The following ZCCHC7 variants were observed in gnomAD, a reference collection of about 807,000 sequenced individuals.
ZCCHC7 encodes zinc finger CCHC domain-containing protein 7.
In ZCCHC7, 35 loss-of-function variants were observed where a neutral mutation model predicts 52.0. The observed-to-expected ratio is 0.67, with a 90% CI of 0.51 to 0.89. ZCCHC7 has a LOEUF of 0.89. Among genes scored for constraint, ZCCHC7 ranks in the 40% least tolerant of loss-of-function variants. ZCCHC7 has a pLI of 0.00. For synonymous variants in ZCCHC7, 217 were observed against 221.5 expected, an observed-to-expected ratio of 0.98 and a Z score of 0.18; for missense variants, 574 against 649.1, an observed-to-expected ratio of 0.88 and a Z score of 1.26.
At chr9:37,200,493 A>G (rs1823577156) in intron 2 of ZCCHC7, among the ~76,000 whole-genome samples, 1 of 152,134 alleles carries the variant, frequency 6.6e-6, no homozygotes, top group African/African-American at 2.4e-5. Flanking sequence ...GTCCAACTCC[A>G]TGTGCTTTCT....
intron 2 of ZCCHC7, among the ~76,000 whole-genome samples, chr9:37,299,620 G>T (rs2133683296): frequency 6.6e-6 from 1 of 152,268 alleles, no homozygotes; most frequent in South Asian, 2.1e-4. Context: ...GACACAATAG[G>T]TAAAGATCAA....
intron 2 of ZCCHC7, among the ~76,000 whole-genome samples, chr9:37,274,310 G>GA (rs907657887): frequency 7.3e-6 from 1 of 136,876 alleles, no homozygotes; most frequent in African/African-American, 2.7e-5. Flanking sequence ...ATAATTTTAT[G>GA]AAAATTACCA....
intron 2 of ZCCHC7, among the ~76,000 whole-genome samples, chr9:37,130,585 C>G (rs1312045869): frequency 2.0e-5 from 3 of 151,036 alleles, no homozygotes; most frequent in Middle Eastern, 3.2e-3. Context: ...CTGCGCCTCC[C>G]GGGTTCACGC....
At chr9:37,302,321 A>G (rs781043200) in intron 3 of ZCCHC7, 90 bp downstream of exon 3, 2 of 1,073,480 alleles carry the variant, frequency 1.9e-6, no homozygotes, top group Non-Finnish European at 2.8e-6. Context: ...AATAAGTTTA[A>G]GTGGCTTATA....
chr9:37,139,380 T>C (rs543935302), intron 2 of ZCCHC7, among the ~76,000 whole-genome samples: 34 of 152,144 alleles, frequency 2.2e-4, no homozygotes, highest in African/African-American at 8.2e-4. Flanking sequence ...TTAAGAATAC[T>C]TAAAGGAGTA....
At chr9:37,207,745 C>T (rs1824000338) in intron 2 of ZCCHC7, among the ~76,000 whole-genome samples, 2 of 151,858 alleles carry the variant, frequency 1.3e-5, no homozygotes, top group South Asian at 2.1e-4. Flanking sequence ...GCTATTTAGC[C>T]CATTCAGTGA....
chr9:37,174,052 C>T (rs1027707874), intron 2 of ZCCHC7, among the ~76,000 whole-genome samples: 3 of 152,158 alleles, frequency 2.0e-5, no homozygotes, highest in Non-Finnish European at 2.9e-5. Flanking sequence ...TGGCTCACAT[C>T]TGTAATTCCA....
chr9:37,126,766 G>C lies in ZCCHC7; in HGVS notation c.434G>C (p.Arg145Thr), dbSNP rs1183308720. ...SDIEKPKSEE[R>T]SGVIREVMII... ...ATTGAGAAGCCTAAATCTGAAGAGA[G>C]ATCAGGTGTAATCCGAGAGGTCATG... Residue 145 changes from arginine (R) to threonine (T), a missense_variant, in exon 2 of 9, where the codon AGA (arginine) becomes ACA (threonine). Coordinates refer to ENST00000336755, the MANE Select transcript of ZCCHC7 (RefSeq NM_032226.3). 2 of 1,614,174 alleles carry C rather than the reference G, an allele frequency of 1.2e-6. No individual in the cohort carries two copies. Among genetic ancestry groups the C allele is most frequent in the Non-Finnish European group, 1.7e-6 (2 of 1,180,018 alleles).
At chr9:37,172,300 T>A (rs1355765329) in intron 2 of ZCCHC7, among the ~76,000 whole-genome samples, 1 of 152,250 alleles carries the variant, frequency 6.6e-6, no homozygotes, top group Non-Finnish European at 1.5e-5. Flanking sequence ...TCATTTGTAC[T>A]GTTTTCTTAA....
At chr9:37,327,953 G>T in intron 6 of ZCCHC7, 119 bp downstream of exon 6, 3 of 1,059,178 alleles carry the variant, frequency 2.8e-6, no homozygotes, top group Non-Finnish European at 4.2e-6. Flanking sequence ...CATCTGAAGA[G>T]TTTTTGTACG....
rs1588463785 is a variant in ZCCHC7, at chr9:37,196,612, G to A, written c.610+69670G>A. On this transcript the variant is annotated intron_variant, in intron 2 of 8. Transcript: ENST00000336755. ...CTTTGCTATCTAGCTTTGTTACATA[G>A]TGACCATTTTTAGCACTATAAAACT... is the stretch of plus-strand genomic sequence containing the variant. Among the ~76,000 whole-genome samples, 2 of 152,050 alleles carry A rather than the reference G, an allele frequency of 1.3e-5. 1 individual carries two copies. The highest frequency in any genetic ancestry group is 3.8e-4 in the East Asian group (2 of 5,208).
intron 7 of ZCCHC7, 71 bp downstream of exon 7, chr9:37,349,523 A>G: frequency 1.4e-6 from 2 of 1,404,810 alleles, no homozygotes; most frequent in Non-Finnish European, 1.0e-6. Context: ...ATGAACTCAA[A>G]AAGAATGTAA....
chr9:37,272,848 A>G (rs1391045784), intron 2 of ZCCHC7, among the ~76,000 whole-genome samples: 1 of 152,204 alleles, frequency 6.6e-6, no homozygotes, highest in African/African-American at 2.4e-5. Flanking sequence ...GCTGTAATTC[A>G]TTCCTTTTTT....
rs752603736 is a variant in ZCCHC7, at chr9:37,120,593, C to T, written c.-52C>T. Reference sequence around the variant, plus strand: ...CCGTCCCTCTACGCGTTTTGGTTCCCGGTTGGTGCTTCCTGTTCGCAGCTG... The same window carrying T: ...CCGTCCCTCTACGCGTTTTGGTTCCTGGTTGGTGCTTCCTGTTCGCAGCTG... On this transcript the variant is annotated 5_prime_UTR_variant, in exon 1 of 9. Coordinates refer to ENST00000336755, the MANE Select transcript of ZCCHC7 (RefSeq NM_032226.3). 7.5e-6 allele frequency: 3 copies of T among 398,934 alleles called. No homozygotes were observed. The highest frequency in any genetic ancestry group is 4.4e-5 in the Admixed American group (1 of 22,714). The allele number at this position is 398,934 out of a possible 1,614,324, so 24.7% of individuals were successfully genotyped here.
At chr9:37,210,620 C>T (rs528089256) in intron 2 of ZCCHC7, among the ~76,000 whole-genome samples, 2 of 152,170 alleles carry the variant, frequency 1.3e-5, no homozygotes, top group Non-Finnish European at 2.9e-5. Context: ...CTAAATATAA[C>T]TATTTAACCA....
intron 2 of ZCCHC7, among the ~76,000 whole-genome samples, chr9:37,238,346 C>T (rs1241611796): frequency 1.3e-5 from 2 of 152,056 alleles, no homozygotes; most frequent in Admixed American, 6.6e-5. Flanking sequence ...GTAGGTTTCT[C>T]TGAGGTGATG....
intron 2 of ZCCHC7, among the ~76,000 whole-genome samples, chr9:37,155,828 T>A (rs1362628508): frequency 6.6e-6 from 1 of 152,238 alleles, no homozygotes; most frequent in Admixed American, 6.5e-5. Flanking sequence ...GAACATTCTG[T>A]TTTGGCCCTC....
intron 2 of ZCCHC7, among the ~76,000 whole-genome samples, chr9:37,177,736 C>T (rs1298829785): frequency 6.6e-6 from 1 of 152,114 alleles, no homozygotes; most frequent in East Asian, 1.9e-4. Context: ...CTGTGGTTTT[C>T]TTTTCCCAAA....
intron 2 of ZCCHC7, among the ~76,000 whole-genome samples, chr9:37,281,884 A>G (rs1302615894): frequency 6.6e-6 from 1 of 152,250 alleles, no homozygotes; most frequent in Non-Finnish European, 1.5e-5. Context: ...TTTTTACAAT[A>G]TGCAAATACA....
Sources: gnomAD v4.1 joint callset for allele counts (sites outside exome capture counted in the v4.1 genomes callset) on GRCh38, gnomAD v4.1.1 for gene constraint, MANE v1.5 for transcripts, NCBI Gene and HGNC (gene_info 2026-07-23, HGNC 2026-07-21) for gene names.